RAB38: variants seen among roughly 807,000 people sequenced by gnomAD.
The protein encoded by RAB38 is RAB38, member RAS oncogene family, also known as ras-related protein Rab-38.
Under a neutral mutation model 18.4 loss-of-function variants are expected in RAB38, and 15 were observed. The observed-to-expected ratio is 0.82, with a 90% CI of 0.55 to 1.26. The LOEUF (loss-of-function observed/expected upper bound fraction) is 1.26, where lower values mean the gene tolerates loss of function less well. Ranked by LOEUF, RAB38 falls within the 50% of genes most tolerant of loss-of-function variation. The pLI is 0.00. For synonymous variants in RAB38, 101 were observed against 104.4 expected, an observed-to-expected ratio of 0.97 and a Z score of 0.20; for missense variants, 294 against 267.4, an observed-to-expected ratio of 1.10 and a Z score of -0.69.
chr11:88,134,435 T>A (rs990282510), intron 2 of RAB38, among the ~76,000 whole-genome samples: 4 of 151,992 alleles, frequency 2.6e-5, no homozygotes, highest in African/African-American at 9.7e-5. Flanking sequence ...AGAAATGGGG[T>A]TTCTCCATGT....
chr11:88,118,309 T>C (rs1313986660), intron 2 of RAB38, among the ~76,000 whole-genome samples: 8 of 152,230 alleles, frequency 5.3e-5, no homozygotes, highest in Non-Finnish European at 1.0e-4. Flanking sequence ...AATCAGGTCA[T>C]GGCCAAAGGG....
At chr11:87,876,851 A>G in the RAB38 span, among the ~76,000 whole-genome samples, 125 of 151,636 alleles carry the variant, frequency 8.2e-4, no homozygotes, top group African/African-American at 2.8e-3. Flanking sequence ...ACCGGGCACA[A>G]TTTTCTCCTT....
At chr11:88,137,982 T>C (rs1304185950) in intron 2 of RAB38, among the ~76,000 whole-genome samples, 3 of 152,232 alleles carry the variant, frequency 2.0e-5, no homozygotes, top group African/African-American at 4.8e-5. Flanking sequence ...TTAGAAAATA[T>C]GTATTTGAAG....
the RAB38 span, among the ~76,000 whole-genome samples, chr11:87,930,918 G>T: frequency 6.6e-6 from 1 of 152,052 alleles, no homozygotes; most frequent in Non-Finnish European, 1.5e-5. Flanking sequence ...TGTTCCATTG[G>T]TCTATATCTC....
At chr11:87,895,323 A>G in the RAB38 span, among the ~76,000 whole-genome samples, 4 of 151,792 alleles carry the variant, frequency 2.6e-5, no homozygotes, top group Admixed American at 1.3e-4. Flanking sequence ...CAGTACATAA[A>G]TTGGAAAAAT....
the RAB38 span, among the ~76,000 whole-genome samples, chr11:87,946,275 C>T: frequency 3.3e-5 from 5 of 152,210 alleles, no homozygotes; most frequent in South Asian, 2.1e-4. Context: ...TTTGATGATA[C>T]GCTGTCACCT....
the RAB38 span, among the ~76,000 whole-genome samples, chr11:87,841,604 T>C: frequency 1.3e-5 from 2 of 152,198 alleles, no homozygotes; most frequent in East Asian, 3.8e-4. Context: ...TCTTAATGAA[T>C]TTTTCTGAGT....
the RAB38 span, among the ~76,000 whole-genome samples, chr11:88,055,765 G>C: frequency 6.6e-6 from 1 of 152,110 alleles, no homozygotes; most frequent in South Asian, 2.1e-4. Flanking sequence ...GAAGGAAAAC[G>C]AAAGATGAAC....
the RAB38 span, among the ~76,000 whole-genome samples, chr11:88,026,367 T>C: frequency 6.6e-6 from 1 of 151,282 alleles, no homozygotes; most frequent in South Asian, 2.1e-4. Context: ...ATCGAGACCA[T>C]CCTGGCTAAC....
At chr11:87,884,862 G>A in the RAB38 span, among the ~76,000 whole-genome samples, 1 of 151,804 alleles carries the variant, frequency 6.6e-6, no homozygotes, top group African/African-American at 2.4e-5. Context: ...TCTACAGTTC[G>A]GCAAAATCCC....
the RAB38 span, among the ~76,000 whole-genome samples, chr11:87,910,182 AC>A: frequency 6.6e-6 from 1 of 152,106 alleles, no homozygotes; most frequent in Non-Finnish European, 1.5e-5. Flanking sequence ...ATGGTATCTT[AC>A]TATAGTTTCA....
At chr11:88,173,977 A>G (rs1943344020) in intron 1 of RAB38, 1 of 985,332 alleles carries the variant, frequency 1.0e-6, no homozygotes, top group Admixed American at 6.1e-5. Context: ...TGCATCAGCT[A>G]AAATGAATCC....
At chr11:87,942,583 G>T in the RAB38 span, among the ~76,000 whole-genome samples, 3 of 152,028 alleles carry the variant, frequency 2.0e-5, no homozygotes, top group South Asian at 6.2e-4. Flanking sequence ...TTGACTTGAG[G>T]GGCACTGTCT....
At chr11:88,102,979 C>T in the RAB38 span, among the ~76,000 whole-genome samples, 1 of 151,970 alleles carries the variant, frequency 6.6e-6, no homozygotes, top group Non-Finnish European at 1.5e-5. Context: ...CCATTTCCTC[C>T]TATATATAAT....
At chr11:87,895,703 T>C in the RAB38 span, among the ~76,000 whole-genome samples, 1 of 151,632 alleles carries the variant, frequency 6.6e-6, no homozygotes, top group Non-Finnish European at 1.5e-5. Flanking sequence ...CTTTGGGATA[T>C]GTTTATAATT....
chr11:87,974,895 C>A, the RAB38 span, among the ~76,000 whole-genome samples: 3 of 151,862 alleles, frequency 2.0e-5, no homozygotes, highest in African/African-American at 4.8e-5. Flanking sequence ...CTAGGCCTAC[C>A]GTAACAAACT....
the RAB38 span, among the ~76,000 whole-genome samples, chr11:87,973,800 G>A: frequency 6.0e-5 from 9 of 150,862 alleles, no homozygotes; most frequent in African/African-American, 1.2e-4. Context: ...TATACTGGAG[G>A]ACCAATCCAG....
At chr11:88,165,439 AATGCAT>A (rs1185472401) in intron 1 of RAB38, 2 of 152,178 alleles carry the variant, frequency 1.3e-5, no homozygotes, top group African/African-American at 4.8e-5. Context: ...AATGCATATG[AATGCAT>A]AAAACTATGC....
the RAB38 span, among the ~76,000 whole-genome samples, chr11:87,850,358 G>A: frequency 6.6e-6 from 1 of 151,982 alleles, no homozygotes; most frequent in South Asian, 2.1e-4. Flanking sequence ...GTTACAATTT[G>A]AAAACTAATC....
Sources: allele counts gnomAD v4.1 joint callset (sites outside exome capture counted in the v4.1 genomes callset), GRCh38; gene constraint gnomAD v4.1.1; transcripts MANE v1.5; gene names NCBI Gene and HGNC (gene_info 2026-07-23, HGNC 2026-07-21).